Variants in GPHN observed in about 807,000 individuals in gnomAD.
GPHN encodes the protein gephyrin.
GPHN carries 17 observed loss-of-function variants against 95.5 expected under a neutral mutation model. The ratio of observed to expected loss-of-function variants is 0.18; its 90% CI spans 0.12 to 0.27. The LOEUF (loss-of-function observed/expected upper bound fraction) is 0.27, where lower values mean the gene tolerates loss of function less well. Ranked by LOEUF, GPHN falls within the 10% of genes least tolerant of loss-of-function variation. The pLI is 1.00. For synonymous variants in GPHN, 320 were observed against 322.5 expected (o/e 0.99, Z 0.08); for missense variants, 660 against 978.1 (o/e 0.67, Z 4.34).
intron 20 of GPHN, among the ~76,000 whole-genome samples, chr14:67,167,718 T>G (rs1163648095): frequency 1.3e-5 from 2 of 152,188 alleles, no homozygotes; most frequent in Non-Finnish European, 2.9e-5. Context: ...TACATAGAAC[T>G]GTATAAAAGT....
At chr14:66,725,893 A>T (rs1219053054) in intron 2 of GPHN, among the ~76,000 whole-genome samples, 1 of 152,224 alleles carries the variant, frequency 6.6e-6, no homozygotes, top group Non-Finnish European at 1.5e-5. Context: ...TAAAAAACTG[A>T]TAACTTACTG....
At chr14:67,361,414 G>C in the GPHN span, among the ~76,000 whole-genome samples, 15 of 152,096 alleles carry the variant, frequency 9.9e-5, no homozygotes, top group Non-Finnish European at 4.4e-5. Context: ...GTAGAGATTC[G>C]GTGATAACTT....
intron 10 of GPHN, among the ~76,000 whole-genome samples, chr14:67,030,791 C>A (rs1286435280): frequency 6.6e-6 from 1 of 152,104 alleles, no homozygotes; most frequent in African/African-American, 2.4e-5. Context: ...TATCTTGTTC[C>A]CTGATACCAT....
the GPHN span, among the ~76,000 whole-genome samples, chr14:67,500,141 G>C: frequency 6.6e-6 from 1 of 152,044 alleles, no homozygotes. Context: ...TCCAGCCTGG[G>C]CAACAGAGTG....
chr14:67,028,976 C>T (rs1232443734), intron 10 of GPHN, among the ~76,000 whole-genome samples: 2 of 152,150 alleles, frequency 1.3e-5, no homozygotes, highest in Non-Finnish European at 2.9e-5. Context: ...GTGTTTTCGT[C>T]TAGCAGTTTT....
At chr14:67,154,102 C>T (rs2081442612) in intron 18 of GPHN, among the ~76,000 whole-genome samples, 1 of 152,216 alleles carries the variant, frequency 6.6e-6, no homozygotes, top group African/African-American at 2.4e-5. Flanking sequence ...ACTCTGGCTT[C>T]TGCCTATCTC....
chr14:67,583,610 G>A, the GPHN span: 1 of 614,148 alleles, frequency 1.6e-6, no homozygotes. Flanking sequence ...TTTTTCTAAA[G>A]TATTTTTCAC....
intron 2 of GPHN, among the ~76,000 whole-genome samples, chr14:66,706,085 C>G (rs1363523009): frequency 1.3e-5 from 2 of 151,954 alleles, no homozygotes; most frequent in African/African-American, 2.4e-5. Context: ...AATAAAATAC[C>G]TAGGAATACA....
chr14:66,561,125 G>A (rs1479050489), intron 1 of GPHN, among the ~76,000 whole-genome samples: 1 of 152,106 alleles, frequency 6.6e-6, no homozygotes, highest in Non-Finnish European at 1.5e-5. Context: ...TTTTTGATGT[G>A]CTGCTGGATT....
the GPHN span, among the ~76,000 whole-genome samples, chr14:67,393,859 A>T: frequency 6.6e-6 from 1 of 152,150 alleles, no homozygotes; most frequent in Non-Finnish European, 1.5e-5. Context: ...GTTTCACAAG[A>T]AAGTCTGAGG....
chr14:67,296,518 C>T, the GPHN span, among the ~76,000 whole-genome samples: 3 of 136,782 alleles, frequency 2.2e-5, no homozygotes, highest in African/African-American at 8.1e-5. Flanking sequence ...GGAGGCAGAG[C>T]TTGCAGTGAG....
At chr14:67,016,699 C>G (rs952174787) in intron 9 of GPHN, among the ~76,000 whole-genome samples, 1 of 152,030 alleles carries the variant, frequency 6.6e-6, no homozygotes, top group Non-Finnish European at 1.5e-5. Context: ...TCATACAACA[C>G]AGAATTAGAT....
intron 2 of GPHN, among the ~76,000 whole-genome samples, chr14:66,729,224 A>G (rs1346886047): frequency 6.6e-6 from 1 of 152,168 alleles, no homozygotes; most frequent in Admixed American, 6.5e-5. Context: ...TGTCTCGGGT[A>G]TGTCTTTATC....
intron 1 of GPHN, among the ~76,000 whole-genome samples, chr14:66,592,610 C>A (rs13036257): frequency 1.3e-5 from 2 of 152,220 alleles, no homozygotes; most frequent in African/African-American, 4.8e-5. Flanking sequence ...GATACCATCT[C>A]ATGCCAGTTA....
chr14:67,647,649 T>A, the GPHN span: 9 of 159,596 alleles, frequency 5.6e-5, no homozygotes, highest in African/African-American at 2.2e-4. Flanking sequence ...ATAACTTACA[T>A]CAAGCCAATT....
At chr14:67,477,378 T>C in the GPHN span, among the ~76,000 whole-genome samples, 2 of 152,172 alleles carry the variant, frequency 1.3e-5, no homozygotes, top group African/African-American at 4.8e-5. Flanking sequence ...CTTCCATGAG[T>C]ATAAACCAGC....
chr14:67,150,681 T>A (rs1595391885), intron 18 of GPHN, among the ~76,000 whole-genome samples: 1 of 152,116 alleles, frequency 6.6e-6, no homozygotes, highest in East Asian at 1.9e-4. Context: ...CTGAGGTTTT[T>A]TTATTATTGT....
intron 17 of GPHN, among the ~76,000 whole-genome samples, chr14:67,142,474 C>T (rs757996403): frequency 1.6e-4 from 24 of 152,154 alleles, no homozygotes; most frequent in Non-Finnish European, 2.8e-4. Context: ...CTCCCCAGAC[C>T]TTCAACCTGT....
intron 13 of GPHN, among the ~76,000 whole-genome samples, chr14:67,103,102 CAG>C (rs1238535181): frequency 6.6e-6 from 1 of 152,070 alleles, no homozygotes; most frequent in Non-Finnish European, 1.5e-5. Flanking sequence ...TTTCTTGAGA[CAG>C]AGTCTTGCTC....
Sources: allele counts gnomAD v4.1 joint callset (sites outside exome capture counted in the v4.1 genomes callset), GRCh38; gene constraint gnomAD v4.1.1; transcripts MANE v1.5; gene names NCBI Gene and HGNC (gene_info 2026-07-23, HGNC 2026-07-21).